DENND1B: variants seen among roughly 807,000 people sequenced by gnomAD.
DENND1B encodes the protein DENN domain-containing protein 1B.
In DENND1B, 59 loss-of-function variants were observed where a neutral mutation model predicts 90.1. The observed-to-expected ratio is 0.65, with a 90% CI of 0.53 to 0.81. The LOEUF (loss-of-function observed/expected upper bound fraction) is 0.81, where lower values mean the gene tolerates loss of function less well. Ranked by LOEUF, DENND1B falls within the 40% of genes least tolerant of loss-of-function variation. DENND1B has a pLI of 0.00. For synonymous variants in DENND1B, 337 were observed against 324.6 expected (o/e 1.04, Z -0.41); for missense variants, 862 against 912.6 (o/e 0.94, Z 0.71).
Position 197,647,115 on chromosome 1 carries a change from CT to C in DENND1B, c.448-2del. The C allele has an allele frequency of 6.9e-7, 1 of 1,451,452 alleles. No homozygotes were observed. Among genetic ancestry groups the C allele is most frequent in the Non-Finnish European group, 9.0e-7 (1 of 1,109,632 alleles). 89.9% of individuals were successfully genotyped at this position (1,451,452 alleles called of 1,614,324 possible). ...CACAGGCAATAAATATCTCTTGGTT[CT>C]TATAATACATGAGAGAAAAAAATGA... On this transcript the variant is annotated splice_acceptor_variant, in intron 7 of 22. Coordinates refer to ENST00000620048, the MANE Select transcript of DENND1B (RefSeq NM_001195215.2). LOFTEE classifies it high-confidence loss of function.
At chr1:197,770,540 A>AT in intron 2 of DENND1B, among the ~76,000 whole-genome samples, 1 of 151,240 alleles carries the variant, frequency 6.6e-6, no homozygotes, top group East Asian at 1.9e-4. Context: ...GATCACTTTA[A>AT]TACACATTTA....
chr1:197,751,322 A>G (rs1311390431), intron 2 of DENND1B, among the ~76,000 whole-genome samples: 1 of 152,228 alleles, frequency 6.6e-6, no homozygotes, highest in East Asian at 1.9e-4. Flanking sequence ...TTCATTTCTA[A>G]ATAACCCACG....
chr1:197,545,664 G>A (rs1670759501), intron 18 of DENND1B: 1 of 360,880 alleles, frequency 2.8e-6, no homozygotes, highest in Non-Finnish European at 4.9e-6. Flanking sequence ...ATCAATAACT[G>A]TTTCAATTTG....
rs143224308 is a variant in DENND1B, at chr1:197,707,030, A to G, written c.126+8001T>C. On this transcript the variant is annotated intron_variant, in intron 3 of 22. Transcript: ENST00000620048. ...AACCTAAGTGTCCATAAACAAATGA[A>G]TGGATTAAAAAATATGGTATACATA... Among the ~76,000 whole-genome samples the G allele has an allele frequency of 9.1e-3, 1,382 of 152,316 alleles. 19 individuals carry two copies. The highest frequency in any genetic ancestry group is 0.028 in the African/African-American group (1,175 of 41,560).
At chr1:197,588,407 T>G (rs1284935844) in intron 14 of DENND1B, among the ~76,000 whole-genome samples, 2 of 152,200 alleles carry the variant, frequency 1.3e-5, no homozygotes, top group Non-Finnish European at 2.9e-5. Context: ...AGATTAGATC[T>G]TATACTATCA....
intron 10 of DENND1B, among the ~76,000 whole-genome samples, chr1:197,629,457 C>T (rs1446236234): frequency 1.4e-5 from 2 of 141,838 alleles, no homozygotes. Flanking sequence ...TGTTCTCACT[C>T]ATAGGTGGGA....
chr1:197,510,572 G>A lies in DENND1B; in HGVS notation c.2216C>T (p.Thr739Ile). Residue 739 changes from threonine (T) to isoleucine (I), a missense_variant, in exon 23 of 23, where the codon ACT (threonine) becomes ATT (isoleucine). Transcript: ENST00000620048. Reference sequence around the variant, plus strand: ...ATGGAGCAGTCCAATATCTTCTGAAGTCTCTTTGGCTTCTTTCCCTTCTTT... The same window carrying A: ...ATGGAGCAGTCCAATATCTTCTGAAATCTCTTTGGCTTCTTTCCCTTCTTT... ...WEKEGKEAKE[T>I]SEDIGLLHEV... The A allele has an allele frequency of 6.2e-7, 1 of 1,612,710 alleles. No individual in the cohort carries two copies. The highest frequency in any genetic ancestry group is 8.5e-7 in the Non-Finnish European group (1 of 1,179,194).
At position 197,539,025 on chromosome 1, in the gene DENND1B, T is replaced by A. The variant is rs141034686; in HGVS notation, c.1515+939A>T. On this transcript the variant is annotated intron_variant, in intron 20 of 22. Transcript: ENST00000620048. ...CTGTGAGAAATAAACTTCTGTTCTT[T>A]ACAAATTACCCAGCCTCAGGTATTC... is the stretch of plus-strand genomic sequence containing the variant. Among the ~76,000 whole-genome samples the A allele has an allele frequency of 6.6e-4, 100 of 152,274 alleles. No homozygotes were observed. The East Asian group carries it at 0.019, about 29-fold the overall frequency.
At chr1:197,545,789 C>A in intron 18 of DENND1B, 133 bp downstream of exon 18, 3 of 715,284 alleles carry the variant, frequency 4.2e-6, no homozygotes, top group South Asian at 2.1e-5. Flanking sequence ...TTGCTTTGGT[C>A]AATATTAATC....
rs961046991 is a variant in DENND1B, at chr1:197,775,447, G to C, written c.-292C>G. ...CTGAGGCCTCTCAGTTCCTGCGACC[G>C]GGGCCGCCCGCTGCGGCTCCTGCAC... On this transcript the variant is annotated 5_prime_UTR_variant, in exon 1 of 23. Transcript: ENST00000620048. 7.5e-5 allele frequency: 21 copies of C among 280,180 alleles called. No homozygotes were observed. The highest frequency in any genetic ancestry group is 1.1e-4 in the Admixed American group (2 of 18,890). The allele number at this position is 280,180 out of a possible 1,614,324, so 17.4% of individuals were successfully genotyped here. A position where few individuals can be genotyped will look rare whatever the true frequency, so the allele number is the denominator to read the frequency against.
intron 3 of DENND1B, among the ~76,000 whole-genome samples, chr1:197,692,167 C>G (rs1458889873): frequency 6.6e-6 from 1 of 151,722 alleles, no homozygotes; most frequent in Non-Finnish European, 1.5e-5. Flanking sequence ...CCCTTTCCCA[C>G]TTTCTCTTTA....
intron 5 of DENND1B, among the ~76,000 whole-genome samples, chr1:197,662,665 C>T (rs554817996): frequency 5.9e-5 from 9 of 151,956 alleles, no homozygotes; most frequent in African/African-American, 2.2e-4. Flanking sequence ...TGTGCTGCAC[C>T]CATTAACTTG....
chr1:197,619,036 T>C (rs1012580053), intron 10 of DENND1B, among the ~76,000 whole-genome samples: 1 of 151,230 alleles, frequency 6.6e-6, no homozygotes, highest in Non-Finnish European at 1.5e-5. Flanking sequence ...TTGCCATATG[T>C]ATTATATTTT....
intron 15 of DENND1B, among the ~76,000 whole-genome samples, chr1:197,575,737 G>A (rs569460263): frequency 3.0e-4 from 46 of 152,294 alleles, no homozygotes; most frequent in Non-Finnish European, 4.7e-4. Flanking sequence ...ATACGTCATG[G>A]AATACTATGC....
rs1393069265 is a variant in DENND1B, at chr1:197,511,946, TGAAGAAAAATAA to T, written c.1599-14_1599-3del. The T allele has an allele frequency of 3.1e-6, 5 of 1,598,470 alleles. No homozygotes were observed. Among genetic ancestry groups the T allele is most frequent in the Non-Finnish European group, 4.3e-6 (5 of 1,172,324 alleles). On this transcript the variant is annotated splice_polypyrimidine_tract_variant and splice_region_variant and intron_variant, in intron 21 of 22. Coordinates refer to ENST00000620048, the MANE Select transcript of DENND1B (RefSeq NM_001195215.2). ...TCTTCACCATCTTCAGAAGATAACC[TGAAGAAAAATAA>T]AACACGCAGTAGTAGGTAAATAACC...
chr1:197,763,184 G>A (rs1042090843), intron 2 of DENND1B, among the ~76,000 whole-genome samples: 4 of 152,126 alleles, frequency 2.6e-5, no homozygotes, highest in East Asian at 1.9e-4. Context: ...GGTGACATAC[G>A]CCTGTAGTAC....
Position 197,667,579 on chromosome 1 carries a change from G to A in DENND1B, c.296+4458C>T, listed in dbSNP as rs567745400. On this transcript the variant is annotated intron_variant, in intron 5 of 22. Coordinates refer to ENST00000620048, the MANE Select transcript of DENND1B (RefSeq NM_001195215.2). ...CAAGTAGCTAGGATTATAGGCGTGCGCCACCACGCCCAGCTAATTTTTGTA... is the reference window on the plus strand; with the variant it reads ...CAAGTAGCTAGGATTATAGGCGTGCACCACCACGCCCAGCTAATTTTTGTA... Among the ~76,000 whole-genome samples, 32 of 152,096 alleles carry A rather than the reference G, an allele frequency of 2.1e-4. No homozygotes were observed. The South Asian group carries it at 6.2e-3, about 30-fold the overall frequency.
intron 13 of DENND1B, among the ~76,000 whole-genome samples, chr1:197,596,105 C>G (rs1675660979): frequency 6.6e-6 from 1 of 151,920 alleles, no homozygotes; most frequent in Non-Finnish European, 1.5e-5. Flanking sequence ...GCCTCATGAA[C>G]CGGTAATCAG....
chr1:197,613,423 A>ATT (rs199991965), intron 11 of DENND1B, among the ~76,000 whole-genome samples: 3 of 145,156 alleles, frequency 2.1e-5, no homozygotes, highest in African/African-American at 5.0e-5. Flanking sequence ...GTTCCTTCCT[A>ATT]TTTTTTTTTT....
Sources: allele counts gnomAD v4.1 joint callset (sites outside exome capture counted in the v4.1 genomes callset), GRCh38; gene constraint gnomAD v4.1.1; transcripts MANE v1.5; gene names NCBI Gene and HGNC (gene_info 2026-07-23, HGNC 2026-07-21).